DNTTIP2: variants seen among roughly 807,000 people sequenced by gnomAD.
DNTTIP2 encodes deoxynucleotidyltransferase terminal interacting protein 2.
DNTTIP2 carries 47 observed loss-of-function variants against 62.4 expected under a neutral mutation model. The observed-to-expected ratio is 0.75, with a 90% confidence interval of 0.60 to 0.96. The LOEUF is 0.96. DNTTIP2 is among the 40% of genes least tolerant of loss of function. DNTTIP2 has a pLI of 0.00. For missense variants in DNTTIP2, 870 were observed against 849.1 expected (o/e 1.02, Z -0.31); for synonymous variants, 322 against 300.9 (o/e 1.07, Z -0.73).
In DNTTIP2 at chr1:93,877,227, T is replaced by C; in HGVS notation, c.708A>G (p.Ser236=). The C allele has an allele frequency of 6.2e-7, 1 of 1,613,942 alleles. No individual in the cohort carries two copies. ...EKQIVGTPVN[S]EDSDTRQTSH... ...AAGTTTGTCTGGTATCTGAATCCTCTGAATTCACAGGTGTACCCACGATCT... is the reference window on the plus strand; with the variant it reads ...AAGTTTGTCTGGTATCTGAATCCTCCGAATTCACAGGTGTACCCACGATCT... The change falls in exon 2 of 7, where the codon TCA becomes TCG. Residue 236 remains serine, a synonymous_variant. Transcript: ENST00000436063.
chr1:93,869,730 T>G lies in DNTTIP2; in HGVS notation c.*121A>C. On this transcript the variant is annotated 3_prime_UTR_variant, in exon 7 of 7. Transcript: ENST00000436063. ...CAAATCAACTTTTTCCAAATACAAA[T>G]TCCTGTATGAACAGGGCCAGTCTAT... 1 of 607,546 alleles carries G rather than the reference T, an allele frequency of 1.6e-6. No individual in the cohort carries two copies. Among genetic ancestry groups the G allele is most frequent in the Non-Finnish European group, 3.0e-6 (1 of 332,322 alleles). 37.6% of individuals were successfully genotyped at this position (607,546 alleles called of 1,614,324 possible).
rs12734571 is a variant in DNTTIP2 at position 93,867,127 on chromosome 1, G to A, written c.*2724C>T. 0.3 allele frequency: 41,194 copies of A among 138,624 alleles called. 6,954 individuals are homozygous for A. Among genetic ancestry groups the A allele is most frequent in the East Asian group, 0.56 (2,625 of 4,702 alleles). 8.6% of individuals were successfully genotyped at this position (138,624 alleles called of 1,614,324 possible). A position where few individuals can be genotyped will look rare whatever the true frequency, so the allele number is the denominator to read the frequency against. ...ACTACACTCCAGCCTGGGCGACAGAGCGAGAGTCCGTCTCTCAAAAAAAAA... is the reference window on the plus strand; with the variant it reads ...ACTACACTCCAGCCTGGGCGACAGAACGAGAGTCCGTCTCTCAAAAAAAAA... On this transcript the variant is annotated 3_prime_UTR_variant, in exon 7 of 7. Coordinates refer to ENST00000436063, the MANE Select transcript of DNTTIP2 (RefSeq NM_014597.5).
chr1:93,877,559 G>A lies in DNTTIP2; in HGVS notation c.376C>T (p.Pro126Ser). ...CSPVSSVRKK[P>S]KVTPTKESYT... ...GACTCCTTTGTTGGAGTTACTTTCG[G>A]CTTTTTCCTAACACTGGACACTGGG... Residue 126 changes from proline to serine, a missense_variant, in exon 2 of 7, where the codon CCG becomes TCG. Physicochemically the swap from Pro to Ser is moderately conservative, Grantham distance 74 (BLOSUM62 -1). Coordinates refer to ENST00000436063, the MANE Select transcript of DNTTIP2 (RefSeq NM_014597.5). 6.2e-7 allele frequency: 1 copy of A among 1,613,930 alleles called. No homozygotes were observed. Among genetic ancestry groups the A allele is most frequent in the Non-Finnish European group, 8.5e-7 (1 of 1,179,880 alleles).
At chr1:93,877,981 C>CA (rs1656058712) in intron 1 of DNTTIP2, 119 bp from the exon 2 acceptor site, 2 of 1,380,168 alleles carry the variant, frequency 1.4e-6, no homozygotes, top group African/African-American at 1.5e-5. Context: ...AAACAAAAAA[C>CA]AAAAAAACCT....
At position 93,876,754 on chromosome 1, in the gene DNTTIP2, C is replaced by A; in HGVS notation, c.1181G>T (p.Cys394Phe). The A allele has an allele frequency of 6.2e-7, 1 of 1,614,018 alleles. No homozygotes were observed. Among genetic ancestry groups the A allele is most frequent in the Non-Finnish European group, 8.5e-7 (1 of 1,179,882 alleles). Residue 394 changes from cysteine to phenylalanine, a missense_variant, in exon 2 of 7, where the codon TGT (cysteine) becomes TTT (phenylalanine). By Grantham distance (205) the Cys-to-Phe change is radical. Transcript: ENST00000436063. The part of the protein sequence containing the change: ...KASDLTKFGD[C>F]GGSDDEEEST... ...CTCTTCTTCATCATCACTACCACCACAATCACCAAACTTTGTCAAGTCACT... is the reference window on the plus strand; with the variant it reads ...CTCTTCTTCATCATCACTACCACCAAAATCACCAAACTTTGTCAAGTCACT...
rs372711956 is a variant in DNTTIP2, at chr1:93,867,143, C to CAAAAAAAA, written c.*2700_*2707dup. 10 of 90,118 alleles carry CAAAAAAAA rather than the reference C, an allele frequency of 1.1e-4. 2 individuals carry two copies. The highest frequency in any genetic ancestry group is 2.8e-4 in the African/African-American group (6 of 21,264). The allele number at this position is 90,118 out of a possible 1,614,324, so 5.6% of individuals were successfully genotyped here. A position where few individuals can be genotyped will look rare whatever the true frequency, so the allele number is the denominator to read the frequency against. On this transcript the variant is annotated 3_prime_UTR_variant, in exon 7 of 7. Transcript: ENST00000436063. ...GGCGACAGAGCGAGAGTCCGTCTCT[C>CAAAAAAAA]AAAAAAAAAAAAAAAAAAAGCATCT... is the stretch of plus-strand genomic sequence containing the variant.
In DNTTIP2 at chr1:93,877,661, A is replaced by C; in HGVS notation, c.274T>G (p.Ser92Ala). ...STDGETSEAE[S>A]NYSVSEHHDT... ...TGGTGCTCAGACACAGAATAATTTG[A>C]CTCTGCCTCAGAGGTTTCTCCATCC... The change falls in exon 2 of 7, where the codon TCA becomes GCA. Residue 92 changes from serine to alanine, a missense_variant. Physicochemically the swap from Ser to Ala is moderately conservative, Grantham distance 99. Coordinates refer to ENST00000436063, the MANE Select transcript of DNTTIP2 (RefSeq NM_014597.5). The C allele has an allele frequency of 1.2e-6, 2 of 1,613,806 alleles. No homozygotes were observed. Among genetic ancestry groups the C allele is most frequent in the South Asian group, 1.1e-5 (1 of 91,078 alleles).
chr1:93,870,298 T>C (rs1438971476), intron 6 of DNTTIP2, among the ~76,000 whole-genome samples: 1 of 152,180 alleles, frequency 6.6e-6, no homozygotes, highest in Admixed American at 6.5e-5. Flanking sequence ...CAGTATGATA[T>C]ATATATTTCT....
intron 2 of DNTTIP2, 70 bp from the exon 3 acceptor site, chr1:93,875,853 A>T (rs1004843380): frequency 2.0e-6 from 3 of 1,463,852 alleles, no homozygotes; most frequent in East Asian, 2.5e-5. Context: ...ATGGCATTTT[A>T]AAAAATCACT....
chr1:93,872,021 T>C (rs1655874772), intron 5 of DNTTIP2, 51 bp downstream of exon 5: 4 of 1,598,786 alleles, frequency 2.5e-6, no homozygotes, highest in Middle Eastern at 1.7e-4. Context: ...ACTACAGTGC[T>C]TTCCAAACTA....
chr1:93,878,584 C>G (rs1411596764), intron 1 of DNTTIP2: 1 of 154,954 alleles, frequency 6.5e-6, no homozygotes, highest in Non-Finnish European at 1.4e-5. Flanking sequence ...CGCTCCGTTC[C>G]CTGCATCGCT....
intron 2 of DNTTIP2, among the ~76,000 whole-genome samples, 172 bp from the exon 3 acceptor site, chr1:93,875,955 T>C (rs895100787): frequency 6.6e-6 from 1 of 151,458 alleles, no homozygotes; most frequent in Non-Finnish European, 1.5e-5. Context: ...TAAATAAATA[T>C]ATTTTTCATC....
At position 93,873,152 on chromosome 1, in the gene DNTTIP2, A is replaced by C. The variant is rs1412073374; in HGVS notation, c.1869T>G (p.Ser623Arg). Residue 623 changes from serine (S) to arginine (R), a missense_variant, in exon 4 of 7, where the codon AGT (serine) becomes AGG (arginine). Ser to Arg is a moderately radical substitution (Grantham distance 110). Transcript: ENST00000436063. ...FEKNHCVPPY[S>R]ESKYQLQKKR... The stretch of plus-strand genomic sequence containing the variant: ...TTTTCTGAAGTTGATACTTTGATTC[A>C]CTATATGGTGGAACACAGTGGTTTT... The C allele has an allele frequency of 6.2e-7, 1 of 1,612,684 alleles. No individual in the cohort carries two copies. Among genetic ancestry groups the C allele is most frequent in the South Asian group, 1.1e-5 (1 of 90,852 alleles).
At position 93,877,212 on chromosome 1, in the gene DNTTIP2, G is replaced by A. The variant is rs373071644; in HGVS notation, c.723C>T (p.Thr241=). The A allele has an allele frequency of 1.4e-5, 22 of 1,613,688 alleles. No individual in the cohort carries two copies. The African/African-American group carries it at 2.9e-4, about 22-fold the overall frequency. Residue 241 remains threonine, a synonymous_variant, in exon 2 of 7, where the codon ACC becomes ACT. Coordinates refer to ENST00000436063, the MANE Select transcript of DNTTIP2 (RefSeq NM_014597.5). ...GTPVNSEDSD[T]RQTSHLQARS... is the part of the protein sequence containing the mutation. ...TTGCTTGTAAATGGGAAGTTTGTCT[G>A]GTATCTGAATCCTCTGAATTCACAG...
chr1:93,876,832 G>C lies in DNTTIP2; in HGVS notation c.1103C>G (p.Ala368Gly). ...ATTCCATCTGCCTACTTCCACAGTT[G>C]CAAATGTTTGAGTTAATGATTTCAT... The part of the protein sequence containing the change: ...AVMKSLTQTF[A>G]TVEVGRWNNN... The change falls in exon 2 of 7, where the codon GCA (alanine) becomes GGA (glycine). Residue 368 changes from alanine to glycine, a missense_variant. Coordinates refer to ENST00000436063, the MANE Select transcript of DNTTIP2 (RefSeq NM_014597.5). The C allele has an allele frequency of 3.1e-6, 5 of 1,613,944 alleles. No individual in the cohort carries two copies. Among genetic ancestry groups the C allele is most frequent in the Non-Finnish European group, 3.4e-6 (4 of 1,179,880 alleles).
Position 93,876,553 on chromosome 1 carries a change from T to C in DNTTIP2, c.1382A>G (p.Asp461Gly), listed in dbSNP as rs368336506. The C allele has an allele frequency of 5.6e-6, 9 of 1,614,032 alleles. No individual in the cohort carries two copies. Among genetic ancestry groups the C allele is most frequent in the Non-Finnish European group, 7.6e-6 (9 of 1,179,896 alleles). The change falls in exon 2 of 7, where the codon GAT becomes GGT. Residue 461 changes from aspartate (D) to glycine (G), a missense_variant. By Grantham distance (94) the Asp-to-Gly change is moderately conservative. Transcript: ENST00000436063. ...QQSENSENEE[D>G]TLCFVENSGQ... ...ACTATTTTCAACAAAACATAAAGTA[T>C]CCTCTTCATTCTCACTGTTTTCAGA...
chr1:93,869,686 A>T lies in DNTTIP2; in HGVS notation c.*165T>A. 5 of 569,670 alleles carry T rather than the reference A, an allele frequency of 8.8e-6. No homozygotes were observed. The highest frequency in any genetic ancestry group is 1.6e-5 in the Non-Finnish European group (5 of 311,358). 35.3% of individuals were successfully genotyped at this position (569,670 alleles called of 1,614,324 possible). A position where few individuals can be genotyped will look rare whatever the true frequency, so the allele number is the denominator to read the frequency against. ...GTCTTTTAGACACCCCTATTTTCTA[A>T]GGGCATGTAATCGATTCTCAAATCA... On this transcript the variant is annotated 3_prime_UTR_variant, in exon 7 of 7. Transcript: ENST00000436063.
rs771356197 is a variant in DNTTIP2 at position 93,877,218 on chromosome 1, T to A, written c.717A>T (p.Ser239=). The change falls in exon 2 of 7, where the codon TCA becomes TCT. Residue 239 remains serine (S), a synonymous_variant. Coordinates refer to ENST00000436063, the MANE Select transcript of DNTTIP2 (RefSeq NM_014597.5). ...IVGTPVNSED[S]DTRQTSHLQA... ...GTAAATGGGAAGTTTGTCTGGTATC[T>A]GAATCCTCTGAATTCACAGGTGTAC... 3.1e-6 allele frequency: 5 copies of A among 1,613,942 alleles called. 1 individual carries two copies. In the South Asian group the frequency reaches 5.5e-5, roughly 18 times the overall value.
Position 93,877,757 on chromosome 1 carries a change from T to C in DNTTIP2, c.178A>G (p.Arg60Gly). The C allele has an allele frequency of 1.2e-6, 2 of 1,613,386 alleles. No individual in the cohort carries two copies. The highest frequency in any genetic ancestry group is 1.7e-6 in the Non-Finnish European group (2 of 1,179,876). Residue 60 changes from arginine (R) to glycine (G), a missense_variant, in exon 2 of 7, where the codon AGA (arginine) becomes GGA (glycine). Transcript: ENST00000436063. The part of the protein sequence containing the change: ...QTTGKQSLIP[R>G]TPKARKRKSR... ...TTCCTCTTTCTAGCTTTAGGAGTTC[T>C]AGGGATTAAACTTTGCTTCCCAGTG...
Sources: allele counts gnomAD v4.1 joint callset (sites outside exome capture counted in the v4.1 genomes callset), GRCh38; gene constraint gnomAD v4.1.1; transcripts MANE v1.5; gene names NCBI Gene and HGNC (gene_info 2026-07-23, HGNC 2026-07-21).